Variants in SIL1 observed in about 807,000 individuals in gnomAD.
The protein encoded by SIL1 is nucleotide exchange factor SIL1.
SIL1 carries 40 observed loss-of-function variants against 49.1 expected under a neutral mutation model. That is an observed-to-expected ratio of 0.81 (90% CI 0.63 to 1.06). SIL1 has a LOEUF of 1.06. Ranked by LOEUF, SIL1 falls within the 50% of genes least tolerant of loss-of-function variation. SIL1 has a pLI of 0.00. For missense variants in SIL1, 500 were observed against 572.6 expected (o/e 0.87, Z 1.29); for synonymous variants, 253 against 250.8 (o/e 1.01, Z -0.08).
intron 7 of SIL1, among the ~76,000 whole-genome samples, chr5:138,970,691 T>A (rs1318306530): frequency 6.6e-6 from 1 of 152,094 alleles, no homozygotes; most frequent in East Asian, 1.9e-4. Flanking sequence ...TCCCAAGTGG[T>A]ATAGAATTCC....
At chr5:139,071,666 A>AT (rs67604334) in intron 3 of SIL1, among the ~76,000 whole-genome samples, 2,072 of 127,372 alleles carry the variant, frequency 0.016, 42 homozygotes, top group African/African-American at 0.034. Context: ...TATTATTAGC[A>AT]TTTTTTTTTT....
chr5:138,993,992 C>G (rs1178431474), intron 7 of SIL1, among the ~76,000 whole-genome samples: 2 of 152,006 alleles, frequency 1.3e-5, no homozygotes, highest in Non-Finnish European at 2.9e-5. Context: ...ACATTTATTT[C>G]AGAAATGTAA....
At chr5:139,089,582 T>C (rs1181958008) in intron 3 of SIL1, among the ~76,000 whole-genome samples, 4 of 152,212 alleles carry the variant, frequency 2.6e-5, no homozygotes, top group Non-Finnish European at 5.9e-5. Flanking sequence ...AATTTGTCCA[T>C]ACAATGGTAT....
chr5:139,011,331 T>TGC, intron 7 of SIL1, among the ~76,000 whole-genome samples: 1 of 152,326 alleles, frequency 6.6e-6, no homozygotes, highest in Admixed American at 6.5e-5. Context: ...TCCCGCACCG[T>TGC]GCGCGCACCC....
chr5:139,004,335 C>T (rs1320681454), intron 7 of SIL1, among the ~76,000 whole-genome samples: 1 of 152,154 alleles, frequency 6.6e-6, no homozygotes, highest in Non-Finnish European at 1.5e-5. Flanking sequence ...TGTGGTTTCA[C>T]TGTTACCAGA....
chr5:139,124,932 C>A (rs1016124278), intron 2 of SIL1, among the ~76,000 whole-genome samples: 2 of 152,212 alleles, frequency 1.3e-5, no homozygotes, highest in Non-Finnish European at 2.9e-5. Context: ...AAAGCCCATA[C>A]ACAAGTTTTG....
intron 1 of SIL1, among the ~76,000 whole-genome samples, chr5:139,195,185 G>A (rs1390699677): frequency 6.6e-6 from 1 of 152,060 alleles, no homozygotes; most frequent in Non-Finnish European, 1.5e-5. Flanking sequence ...ACCCACCTCA[G>A]CCTCCCAAAG....
intron 3 of SIL1, among the ~76,000 whole-genome samples, chr5:139,079,806 C>T (rs1269728233): frequency 1.3e-5 from 2 of 152,180 alleles, no homozygotes; most frequent in African/African-American, 4.8e-5. Context: ...GGGGTTTTCC[C>T]CATTTCTGAG....
At chr5:139,010,415 C>G (rs1768228570) in intron 7 of SIL1, among the ~76,000 whole-genome samples, 1 of 151,232 alleles carries the variant, frequency 6.6e-6, no homozygotes, top group Admixed American at 6.6e-5. Context: ...TGAATGTCCT[C>G]CCATAGCTCA....
intron 1 of SIL1, among the ~76,000 whole-genome samples, chr5:139,185,053 ATAAT>A (rs1223869959): frequency 6.6e-6 from 1 of 152,244 alleles, no homozygotes; most frequent in African/African-American, 2.4e-5. Flanking sequence ...CGAGAAAAAA[ATAAT>A]TGTTTCCCAG....
intron 1 of SIL1, chr5:139,131,631 G>A (rs1750866560): frequency 6.6e-6 from 1 of 152,172 alleles, no homozygotes; most frequent in African/African-American, 2.4e-5. Context: ...AAAATGGAAC[G>A]GCTGAGTGCC....
chr5:139,078,541 C>T (rs1022227277), intron 3 of SIL1, among the ~76,000 whole-genome samples: 1 of 152,184 alleles, frequency 6.6e-6, no homozygotes, highest in Non-Finnish European at 1.5e-5. Context: ...AGACGCAGAA[C>T]AGCAGGAGAA....
At chr5:138,983,424 C>T (rs1767577148) in intron 7 of SIL1, among the ~76,000 whole-genome samples, 1 of 151,148 alleles carries the variant, frequency 6.6e-6, no homozygotes, top group Admixed American at 6.6e-5. Context: ...AGGAGAATGG[C>T]GTGAACCCGG....
At chr5:139,023,106 T>A (rs1768565405) in intron 6 of SIL1, among the ~76,000 whole-genome samples, 2 of 152,366 alleles carry the variant, frequency 1.3e-5, no homozygotes, top group South Asian at 4.1e-4. Context: ...TAATTCAGCA[T>A]GATAGAAATG....
At chr5:139,173,480 G>A (rs867525160) in intron 1 of SIL1, among the ~76,000 whole-genome samples, 37 of 152,032 alleles carry the variant, frequency 2.4e-4, no homozygotes, top group African/African-American at 8.9e-4. Context: ...AACCCAGGAG[G>A]CAGAGATTTC....
chr5:139,023,779 T>G (rs550347444), intron 6 of SIL1, among the ~76,000 whole-genome samples: 71 of 152,302 alleles, frequency 4.7e-4, no homozygotes, highest in African/African-American at 1.7e-3. Context: ...CCATCACAAC[T>G]GGGACTCGGG....
intron 3 of SIL1, among the ~76,000 whole-genome samples, chr5:139,055,622 CT>C (rs1202545297): frequency 3.4e-4 from 34 of 100,154 alleles, no homozygotes; most frequent in Non-Finnish European, 5.9e-4. Context: ...CCCTCTCCCC[CT>C]CTCCCCCTCT....
chr5:139,197,637 T>C (rs1222345503), intron 1 of SIL1, among the ~76,000 whole-genome samples: 1 of 152,152 alleles, frequency 6.6e-6, no homozygotes, highest in African/African-American at 2.4e-5. Flanking sequence ...ATATGTCAAG[T>C]CATTCTCTCC....
chr5:138,996,143 A>G (rs1188930709), intron 7 of SIL1, among the ~76,000 whole-genome samples: 3 of 152,242 alleles, frequency 2.0e-5, no homozygotes, highest in Non-Finnish European at 4.4e-5. Context: ...ACTAATTTGC[A>G]TTCCTACCAA....
Sources: gnomAD v4.1 joint callset for allele counts (sites outside exome capture counted in the v4.1 genomes callset) on GRCh38, gnomAD v4.1.1 for gene constraint, MANE v1.5 for transcripts, NCBI Gene and HGNC (gene_info 2026-07-23, HGNC 2026-07-21) for gene names.